The following KCNQ1 variants were observed in gnomAD, a reference collection of about 807,000 sequenced individuals.
KCNQ1 encodes potassium voltage-gated channel subfamily Q member 1.
A neutral mutation model predicts 72.4 loss-of-function variants in KCNQ1; 49 were observed. That is an observed-to-expected ratio of 0.68 (90% CI 0.54 to 0.86). The LOEUF (loss-of-function observed/expected upper bound fraction) is 0.86, where lower values mean the gene tolerates loss of function less well. Among genes scored for constraint, KCNQ1 ranks in the 40% least tolerant of loss-of-function variants. The probability of loss-of-function intolerance (pLI) is 0.00; values close to 1 mark genes in which losing one functional copy is unlikely to be tolerated. For missense variants in KCNQ1, 790 were observed against 945.1 expected (o/e 0.84, Z 2.15); for synonymous variants, 450 against 412.6 (o/e 1.09, Z -1.10).
rs767882075 is a variant in KCNQ1 at position 2,768,848 on chromosome 11, C to T, written c.1519C>T (p.Arg507Trp). 5 of 1,613,664 alleles carry T rather than the reference C, an allele frequency of 3.1e-6. No individual in the cohort carries two copies. Among genetic ancestry groups the T allele is most frequent in the African/African-American group, 2.7e-5 (2 of 74,906 alleles). Residue 507 changes from arginine (R) to tryptophan (W), a missense_variant, in exon 12 of 16, where the codon CGG becomes TGG. Transcript: ENST00000155840. The surrounding 1 kb of genome is among the most constrained non-coding windows in gnomAD (Gnocchi z 6.7). ...LTPITHISQL[R>W]EHHRATIKVI... ...CCTCTCCTCTCTCCACTGCAGGCTG[C>T]GGGAACACCATCGGGCCACCATTAA...
chr11:2,626,801 T>C lies in KCNQ1; in HGVS notation c.1394-35160T>C. ...CCTCAGCCTTCAAAAGTGCTGAGATTACAGGTGTAGGCCATTGTACCTGGC... is the reference window on the plus strand; with the variant it reads ...CCTCAGCCTTCAAAAGTGCTGAGATCACAGGTGTAGGCCATTGTACCTGGC... On this transcript the variant is annotated intron_variant, in intron 10 of 15. Coordinates refer to ENST00000155840, the MANE Select transcript of KCNQ1 (RefSeq NM_000218.3). This position sits in a 1 kb window ranked among gnomAD's most constrained non-coding sequence, Gnocchi z 4.0. 2.5e-6 allele frequency: 1 copy of C among 398,652 alleles called. No individual in the cohort carries two copies. Among genetic ancestry groups the C allele is most frequent in the East Asian group, 3.6e-5 (1 of 28,084 alleles). 24.7% of individuals were successfully genotyped at this position (398,652 alleles called of 1,614,324 possible). A position where few individuals can be genotyped will look rare whatever the true frequency, so the allele number is the denominator to read the frequency against.
intron 15 of KCNQ1, among the ~76,000 whole-genome samples, chr11:2,837,722 C>T (rs1259911839): frequency 1.3e-5 from 2 of 152,190 alleles, no homozygotes; most frequent in Non-Finnish European, 2.9e-5. Flanking sequence ...TGAGAAGGGT[C>T]TGGAGGCTAA....
In KCNQ1 at chr11:2,475,842, A is replaced by G. The variant is rs903046637; in HGVS notation, c.386+30358A>G. On this transcript the variant is annotated intron_variant, in intron 1 of 15. Transcript: ENST00000155840. This position sits in a 1 kb window ranked among gnomAD's most constrained non-coding sequence, Gnocchi z 5.8. Reference sequence around the variant, plus strand: ...CAAGCTCTCTCATGTTTTGCCTGCCACCATCCACGTAAGATGGGACTTGGT... The same window carrying G: ...CAAGCTCTCTCATGTTTTGCCTGCCGCCATCCACGTAAGATGGGACTTGGT... 3.3e-5 allele frequency among the ~76,000 whole-genome samples: 5 copies of G among 152,208 alleles called. No individual in the cohort carries two copies. The highest frequency in any genetic ancestry group is 4.8e-5 in the African/African-American group (2 of 41,448).
chr11:2,558,416 G>A (rs914526842), intron 2 of KCNQ1, among the ~76,000 whole-genome samples: 9 of 150,376 alleles, frequency 6.0e-5, no homozygotes, highest in Admixed American at 1.3e-4. Flanking sequence ...TGTGCTGGGG[G>A]TCTCCAGGCG....
intron 10 of KCNQ1, chr11:2,631,414 T>C: frequency 2.5e-6 from 1 of 398,536 alleles, no homozygotes; most frequent in East Asian, 3.6e-5. Context: ...ATTCTTCACC[T>C]CCAAAATGTT....
At chr11:2,829,169 A>C (rs1047085591) in intron 15 of KCNQ1, among the ~76,000 whole-genome samples, 1 of 152,244 alleles carries the variant, frequency 6.6e-6, no homozygotes, top group Non-Finnish European at 1.5e-5. Flanking sequence ...GAGAAACACA[A>C]TTCAAGAACC....
chr11:2,575,881 T>C (rs995785729), intron 6 of KCNQ1, among the ~76,000 whole-genome samples: 1 of 152,206 alleles, frequency 6.6e-6, no homozygotes, highest in Non-Finnish European at 1.5e-5. Context: ...TCATGGGCTC[T>C]AGAGGCCAGA....
At chr11:2,701,408 G>C (rs975526692) in intron 11 of KCNQ1, among the ~76,000 whole-genome samples, 3 of 152,134 alleles carry the variant, frequency 2.0e-5, no homozygotes, top group African/African-American at 7.2e-5. Flanking sequence ...ACTGGCCCAG[G>C]GAGTTCATGT....
At chr11:2,448,588 GGAGGCCA>G (rs1482468641) in intron 1 of KCNQ1, among the ~76,000 whole-genome samples, 1 of 152,242 alleles carries the variant, frequency 6.6e-6, no homozygotes, top group East Asian at 1.9e-4. Flanking sequence ...AGCTGGGCAG[GGAGGCCA>G]GAGGCCAAGG....
chr11:2,618,026 T>C (rs928447472), intron 10 of KCNQ1: 1 of 398,402 alleles, frequency 2.5e-6, no homozygotes, highest in African/African-American at 2.1e-5. Context: ...TGTGCAGAAG[T>C]TTTTTAGTTT....
intron 11 of KCNQ1, among the ~76,000 whole-genome samples, chr11:2,743,836 T>G (rs1846096557): frequency 1.3e-5 from 2 of 152,228 alleles, no homozygotes; most frequent in Non-Finnish European, 2.9e-5. Flanking sequence ...GAAAGGAATC[T>G]CACAGGCAGC....
intron 11 of KCNQ1, among the ~76,000 whole-genome samples, chr11:2,726,301 C>CT (rs1337478424): frequency 6.6e-6 from 1 of 152,254 alleles, no homozygotes; most frequent in Non-Finnish European, 1.5e-5. Flanking sequence ...GCCTGGCCCC[C>CT]TGACCTGAGG....
In KCNQ1 at chr11:2,567,399, G is replaced by A. The variant is rs954791749; in HGVS notation, c.478-3229G>A. On this transcript the variant is annotated intron_variant, in intron 2 of 15. Transcript: ENST00000155840. This position sits in a 1 kb window ranked among gnomAD's most constrained non-coding sequence, Gnocchi z 6.6. The stretch of plus-strand genomic sequence containing the variant: ...TGCTTTAGACTGGGGATGTGGTCCC[G>A]TGAATCAGGGGTGGGCCATGGCATG... Among the ~76,000 whole-genome samples, 10 of 152,156 alleles carry A rather than the reference G, an allele frequency of 6.6e-5. No individual in the cohort carries two copies. The highest frequency in any genetic ancestry group is 1.7e-4 in the African/African-American group (7 of 41,418).
At chr11:2,812,590 G>A (rs1213569693) in intron 15 of KCNQ1, among the ~76,000 whole-genome samples, 3 of 152,192 alleles carry the variant, frequency 2.0e-5, no homozygotes, top group African/African-American at 4.8e-5. Context: ...GTCCCCAGGG[G>A]CTCCCGGCTT....
In KCNQ1 at chr11:2,626,347, A is replaced by T. The variant is rs1589989452; in HGVS notation, c.1394-35614A>T. 5.0e-6 allele frequency: 2 copies of T among 398,518 alleles called. No individual in the cohort carries two copies. The highest frequency in any genetic ancestry group is 4.1e-5 in the African/African-American group (2 of 48,644). The allele number at this position is 398,518 out of a possible 1,614,324, so 24.7% of individuals were successfully genotyped here. On this transcript the variant is annotated intron_variant, in intron 10 of 15. Coordinates refer to ENST00000155840, the MANE Select transcript of KCNQ1 (RefSeq NM_000218.3). This position sits in a 1 kb window ranked among gnomAD's most constrained non-coding sequence, Gnocchi z 4.0. ...TTAGGTAAGGGTCTCAACTTCAGTT[A>T]TCCTGGCACCATTTGTTGAAAATAC...
rs796384385 is a variant in KCNQ1, at chr11:2,803,165, C to CCA, written c.1794+25128_1794+25129insCA. Among the ~76,000 whole-genome samples, 236 of 152,042 alleles carry CCA rather than the reference C, an allele frequency of 1.6e-3. 1 individual carries two copies. The highest frequency in any genetic ancestry group is 5.4e-3 in the African/African-American group (224 of 41,326). On this transcript the variant is annotated intron_variant, in intron 15 of 15. Transcript: ENST00000155840. The surrounding 1 kb of genome is among the most constrained non-coding windows in gnomAD (Gnocchi z 6.4). ...GAAAACCCAGCCGGGCCCCCCCCCC[C>CCA]ACGGGCACCCAGGAACCGCCCTGGC...
chr11:2,538,465 C>T lies in KCNQ1; in HGVS notation c.477+10447C>T, dbSNP rs922017897. Reference sequence around the variant, plus strand: ...ACATCATTTATGCCCCAGCCAGGTCCCCTGTCCCAGGACCGCGGTTGACAG... The same window carrying T: ...ACATCATTTATGCCCCAGCCAGGTCTCCTGTCCCAGGACCGCGGTTGACAG... On this transcript the variant is annotated intron_variant, in intron 2 of 15. Transcript: ENST00000155840. The surrounding 1 kb of genome is among the most constrained non-coding windows in gnomAD (Gnocchi z 6.7). 1.3e-5 allele frequency among the ~76,000 whole-genome samples: 2 copies of T among 152,200 alleles called. No homozygotes were observed. The highest frequency in any genetic ancestry group is 2.9e-5 in the Non-Finnish European group (2 of 68,036).
In KCNQ1 at chr11:2,621,699, C is replaced by G; in HGVS notation, c.1393+32845C>G. ...TTGTTCATAAAAGTCCCTTATGATC[C>G]TTTTTATTTCTGAAGTACCTGTTGT... On this transcript the variant is annotated intron_variant, in intron 10 of 15. Coordinates refer to ENST00000155840, the MANE Select transcript of KCNQ1 (RefSeq NM_000218.3). The surrounding 1 kb of genome is among the most constrained non-coding windows in gnomAD (Gnocchi z 5.7). The G allele has an allele frequency of 2.5e-6, 1 of 398,302 alleles. No homozygotes were observed. The highest frequency in any genetic ancestry group is 4.4e-6 in the Non-Finnish European group (1 of 225,978). 24.7% of individuals were successfully genotyped at this position (398,302 alleles called of 1,614,324 possible). A position where few individuals can be genotyped will look rare whatever the true frequency, so the allele number is the denominator to read the frequency against.
At chr11:2,699,130 G>A (rs1483292778) in intron 11 of KCNQ1, 1 of 398,582 alleles carries the variant, frequency 2.5e-6, no homozygotes, top group Non-Finnish European at 4.4e-6. Context: ...GCGGATTCCA[G>A]ACTCCAATCC....
Sources: allele counts gnomAD v4.1 joint callset (sites outside exome capture counted in the v4.1 genomes callset), GRCh38; gene constraint gnomAD v4.1.1; non-coding constraint Gnocchi (gnomAD v3.1); transcripts MANE v1.5; gene names NCBI Gene and HGNC (gene_info 2026-07-23, HGNC 2026-07-21).